The following FMO4 variants were observed in gnomAD, a reference collection of about 807,000 sequenced individuals.
FMO4 encodes the protein dimethylaniline monooxygenase [N-oxide-forming] 4.
In FMO4, 38 loss-of-function variants were observed where a neutral mutation model predicts 43.3. The observed-to-expected ratio is 0.88, with a 90% CI of 0.68 to 1.15. FMO4 has a LOEUF of 1.15. Among genes scored for constraint, FMO4 ranks in the 50% most tolerant of loss-of-function variants. The pLI is 0.00. For missense variants in FMO4, 631 were observed against 663.3 expected, an observed-to-expected ratio of 0.95 and a Z score of 0.54; for synonymous variants, 224 against 232.2, an observed-to-expected ratio of 0.96 and a Z score of 0.32.
intron 8 of FMO4, among the ~76,000 whole-genome samples, chr1:171,335,571 G>A (rs1038537039): frequency 6.6e-6 from 1 of 152,124 alleles, no homozygotes; most frequent in African/African-American, 2.4e-5. Flanking sequence ...CTATGCTGTA[G>A]AAAAATTCTG....
At chr1:171,320,542 G>A (rs1662372950) in intron 3 of FMO4, among the ~76,000 whole-genome samples, 1 of 152,166 alleles carries the variant, frequency 6.6e-6, no homozygotes, top group South Asian at 2.1e-4. Context: ...CTACACTCAG[G>A]TCCAGGCCAC....
At position 171,334,770 on chromosome 1, in the gene FMO4, T is replaced by A. The variant is rs747158747; in HGVS notation, c.1180+7T>A. The A allele has an allele frequency of 6.7e-7, 1 of 1,481,646 alleles. No homozygotes were observed. Among genetic ancestry groups the A allele is most frequent in the South Asian group, 1.3e-5 (1 of 75,256 alleles). The allele number at this position is 1,481,646 out of a possible 1,614,324, so 91.8% of individuals were successfully genotyped here. On this transcript the variant is annotated splice_region_variant and intron_variant, in intron 8 of 9. Coordinates refer to ENST00000367749, the MANE Select transcript of FMO4 (RefSeq NM_002022.3). ...GTCACAAGAGTATTCAAAGGTACCA[T>A]GACTCTACTGAAAGTCCTCTCTTTG...
intron 3 of FMO4, 152 bp downstream of exon 3, chr1:171,320,109 G>A: frequency 1.2e-6 from 1 of 823,484 alleles, no homozygotes. Context: ...ACATTAGGCA[G>A]GATGCAGTCT....
intron 9 of FMO4, 59 bp from the exon 10 acceptor site, chr1:171,341,354 C>T: frequency 7.5e-7 from 1 of 1,338,994 alleles, no homozygotes; most frequent in Non-Finnish European, 1.0e-6. Flanking sequence ...GGTCTGATAA[C>T]TTGAGAAATG....
At chr1:171,337,321 T>G in intron 8 of FMO4, 35 bp from the exon 9 acceptor site, 2 of 1,446,042 alleles carry the variant, frequency 1.4e-6, no homozygotes, top group Admixed American at 1.7e-5. Context: ...AAAAGCCACA[T>G]GTGACTTTAG....
chr1:171,314,738 A>G (rs901883700), intron 1 of FMO4, among the ~76,000 whole-genome samples: 1 of 152,186 alleles, frequency 6.6e-6, no homozygotes, highest in African/African-American at 2.4e-5. Flanking sequence ...TTGGGAAACA[A>G]ATACCCCATA....
chr1:171,334,436 G>T lies in FMO4; in HGVS notation c.853G>T (p.Asp285Tyr). The change falls in exon 8 of 10, where the codon GAT (aspartate) becomes TAT (tyrosine). Residue 285 changes from aspartate (D) to tyrosine (Y), a missense_variant. Asp to Tyr is a radical substitution (Grantham distance 160). Transcript: ENST00000367749. ...KGKKAKFIVN[D>Y]ELPNCILCGA... ...GAAAAAAGCAAAATTCATTGTGAAT[G>T]ATGAGCTGCCAAACTGTATCCTCTG... 6.3e-7 allele frequency: 1 copy of T among 1,585,076 alleles called. No individual in the cohort carries two copies. The highest frequency in any genetic ancestry group is 8.6e-7 in the Non-Finnish European group (1 of 1,169,040).
rs370444334 is a variant in FMO4, at chr1:171,324,305, G to A, written c.484+5G>A. The A allele has an allele frequency of 6.3e-7, 1 of 1,599,992 alleles. No homozygotes were observed. The highest frequency in any genetic ancestry group is 8.5e-7 in the Non-Finnish European group (1 of 1,172,882). On this transcript the variant is annotated splice_donor_5th_base_variant and intron_variant, in intron 5 of 9. Transcript: ENST00000367749. ...TACCTTTGGAAGCCTTTCCTGGTGA[G>A]TCATTTCTACCTGAGACCATGCCTA...
chr1:171,341,507 C>A lies in FMO4; in HGVS notation c.1345C>A (p.Leu449Ile), dbSNP rs571605691. ...ACIGTKPSIP[L>I]LFLKDPRLAW... ...CATAGGCACAAAGCCCAGCATCCCA[C>A]TTCTGTTCCTCAAGGATCCCAGACT... Residue 449 changes from leucine to isoleucine, a missense_variant, in exon 10 of 10, where the codon CTT becomes ATT. Leu to Ile is a conservative substitution (Grantham distance 5). Transcript: ENST00000367749. 2 of 1,614,054 alleles carry A rather than the reference C, an allele frequency of 1.2e-6. No homozygotes were observed. Among genetic ancestry groups the A allele is most frequent in the Non-Finnish European group, 1.7e-6 (2 of 1,179,960 alleles).
rs549051004 is a variant in FMO4 at position 171,324,283 on chromosome 1, C to A, written c.467C>A (p.Pro156His). 6.2e-7 allele frequency: 1 copy of A among 1,607,586 alleles called. No individual in the cohort carries two copies. The highest frequency in any genetic ancestry group is 8.5e-7 in the Non-Finnish European group (1 of 1,176,960). Residue 156 changes from proline to histidine, a missense_variant, in exon 5 of 10, where the codon CCT becomes CAT. Coordinates refer to ENST00000367749, the MANE Select transcript of FMO4 (RefSeq NM_002022.3). The stretch of plus-strand genomic sequence containing the variant: ...GGACATTTCCTGAATCCCCATTTAC[C>A]TTTGGAAGCCTTTCCTGGTGAGTCA... ...CTGHFLNPHL[P>H]LEAFPGIHKF...
Position 171,323,264 on chromosome 1 carries a change from T to A in FMO4, c.321+72T>A, listed in dbSNP as rs577757403. On this transcript the variant is annotated intron_variant, in intron 4 of 9. Coordinates refer to ENST00000367749, the MANE Select transcript of FMO4 (RefSeq NM_002022.3). ...ATTCAGCAATCTAATGAAAATTGGA[T>A]GTTTAAAGTAAACTTTTTATTGATT... is the stretch of plus-strand genomic sequence containing the variant. 176 of 1,001,984 alleles carry A rather than the reference T, an allele frequency of 1.8e-4. 2 individuals carry two copies. In the South Asian group the frequency reaches 2.1e-3, roughly 12 times the overall value. 62.1% of individuals were successfully genotyped at this position (1,001,984 alleles called of 1,614,324 possible).
chr1:171,327,799 C>A (rs982068277), intron 5 of FMO4, among the ~76,000 whole-genome samples: 20 of 152,162 alleles, frequency 1.3e-4, no homozygotes, highest in African/African-American at 4.6e-4. Flanking sequence ...ACATGTAGTC[C>A]CAGCTACTCG....
At chr1:171,317,710 C>T (rs142250024) in intron 2 of FMO4, among the ~76,000 whole-genome samples, 95 of 152,234 alleles carry the variant, frequency 6.2e-4, no homozygotes, top group African/African-American at 2.1e-3. Flanking sequence ...CTAGAATATC[C>T]CTTATGACGT....
intron 8 of FMO4, among the ~76,000 whole-genome samples, chr1:171,336,487 G>A (rs896383294): frequency 6.6e-6 from 1 of 152,164 alleles, no homozygotes; most frequent in Non-Finnish European, 1.5e-5. Flanking sequence ...GGAATGAGCA[G>A]GTCCTCACAA....
chr1:171,334,795 G>C, intron 8 of FMO4, 32 bp downstream of exon 8: 1 of 1,329,004 alleles, frequency 7.5e-7, no homozygotes, highest in East Asian at 2.4e-5. Flanking sequence ...TCCTCTCTTT[G>C]GATCGTAAAA....
intron 4 of FMO4, 130 bp downstream of exon 4, chr1:171,323,322 C>T (rs912380851): frequency 1.7e-5 from 11 of 634,322 alleles, no homozygotes; most frequent in African/African-American, 1.7e-4. Flanking sequence ...ATAATAAGGA[C>T]TCCTCACTTC....
rs1303319200 is a variant in FMO4 at position 171,319,839 on chromosome 1, T to C, written c.14T>C (p.Val5Ala). The change falls in exon 3 of 10, where the codon GTT becomes GCT. Residue 5 changes from valine (V) to alanine (A), a missense_variant. Physicochemically the swap from Val to Ala is moderately conservative, Grantham distance 64. Transcript: ENST00000367749. MAKKVAVIGAGVSGL... is the reference protein window; with the variant it reads MAKKAAVIGAGVSGL... The stretch of plus-strand genomic sequence containing the variant: ...ACAGAGCATACCATGGCCAAGAAAG[T>C]TGCAGTGATTGGAGCTGGTGTGAGT... The C allele has an allele frequency of 3.1e-6, 5 of 1,613,842 alleles. No homozygotes were observed. The highest frequency in any genetic ancestry group is 3.4e-6 in the Non-Finnish European group (4 of 1,179,768).
chr1:171,328,988 G>A (rs745944977), intron 5 of FMO4, among the ~76,000 whole-genome samples: 1 of 152,160 alleles, frequency 6.6e-6, no homozygotes, highest in Non-Finnish European at 1.5e-5. Context: ...ATGTGCAACT[G>A]TATGTAATGT....
Position 171,322,998 on chromosome 1 carries a change from C to T in FMO4, c.133-6C>T. On this transcript the variant is annotated splice_polypyrimidine_tract_variant and splice_region_variant and intron_variant, in intron 3 of 9. Transcript: ENST00000367749. The stretch of plus-strand genomic sequence containing the variant: ...TCCCAACAAGCTAACTATGCCTTCA[C>T]CACAGGAATCTTCCAAAGATGGGAT... 1 of 1,610,034 alleles carries T rather than the reference C, an allele frequency of 6.2e-7. No individual in the cohort carries two copies. The highest frequency in any genetic ancestry group is 8.5e-7 in the Non-Finnish European group (1 of 1,176,858).
Sources: gnomAD v4.1 joint callset for allele counts (sites outside exome capture counted in the v4.1 genomes callset) on GRCh38, gnomAD v4.1.1 for gene constraint, MANE v1.5 for transcripts, NCBI Gene and HGNC (gene_info 2026-07-23, HGNC 2026-07-21) for gene names.